KATNIP: variants seen among roughly 807,000 people sequenced by gnomAD.
KATNIP encodes the protein katanin interacting protein.
In KATNIP, 126 loss-of-function variants were observed where a neutral mutation model predicts 174.0. The ratio of observed to expected loss-of-function variants is 0.72; its 90% CI spans 0.63 to 0.84. The LOEUF (loss-of-function observed/expected upper bound fraction) is 0.84, where lower values mean the gene tolerates loss of function less well. Ranked by LOEUF, KATNIP falls within the 40% of genes least tolerant of loss-of-function variation. The pLI is 0.00. For missense variants in KATNIP, 1,958 were observed against 2,109.7 expected (o/e 0.93, Z 1.41); for synonymous variants, 810 against 835.7 (o/e 0.97, Z 0.53).
intron 13 of KATNIP, among the ~76,000 whole-genome samples, chr16:27,712,606 G>A (rs1597254075): frequency 1.3e-5 from 2 of 152,196 alleles, no homozygotes; most frequent in East Asian, 1.9e-4. Context: ...CAAAAGATGT[G>A]GGAGTGCCCC....
At chr16:27,573,754 C>T in intron 1 of KATNIP, 147 bp from the exon 2 acceptor site, 1 of 693,572 alleles carries the variant, frequency 1.4e-6, no homozygotes, top group Non-Finnish European at 2.4e-6. Flanking sequence ...TGCCATTTTC[C>T]CATTATAATA....
In KATNIP at chr16:27,625,148, C is replaced by T. The variant is rs180733859; in HGVS notation, c.141-3513C>T. 8.7e-4 allele frequency among the ~76,000 whole-genome samples: 132 copies of T among 152,296 alleles called. 1 individual carries two copies. Among genetic ancestry groups the T allele is most frequent in the Non-Finnish European group, 1.1e-3 (72 of 68,024 alleles). ...TAAAAAACACTTTTCTTTGATGCCA[C>T]CTGGATATTACTGATGCACTCCATT... On this transcript the variant is annotated intron_variant, in intron 3 of 27. Transcript: ENST00000261588.
rs2076517516 is a variant in KATNIP, at chr16:27,632,429, A to T, written c.408+1267A>T. 17 of 327,008 alleles carry T rather than the reference A, an allele frequency of 5.2e-5. 1 individual carries two copies. Among genetic ancestry groups the T allele is most frequent in the South Asian group, 3.7e-4 (16 of 42,994 alleles). 20.3% of individuals were successfully genotyped at this position (327,008 alleles called of 1,614,324 possible). On this transcript the variant is annotated intron_variant, in intron 5 of 27. Coordinates refer to ENST00000261588, the MANE Select transcript of KATNIP (RefSeq NM_015202.5). Reference sequence around the variant, plus strand: ...GTTATGAATATTTATGAAAGGAGAAATATGCGCATGTGCAGTTGAGCTTCA... The same window carrying T: ...GTTATGAATATTTATGAAAGGAGAATTATGCGCATGTGCAGTTGAGCTTCA...
chr16:27,625,675 A>G (rs2076311135), intron 3 of KATNIP, among the ~76,000 whole-genome samples: 1 of 152,176 alleles, frequency 6.6e-6, no homozygotes, highest in South Asian at 2.1e-4. Flanking sequence ...GCTGCTAAAG[A>G]AACATTTAAA....
chr16:27,556,538 C>A (rs1335598352), intron 1 of KATNIP, among the ~76,000 whole-genome samples: 2 of 152,172 alleles, frequency 1.3e-5, no homozygotes, highest in African/African-American at 4.8e-5. Context: ...AGCAAATATT[C>A]AACATTTCCC....
At chr16:27,565,859 T>C (rs1018952609) in intron 1 of KATNIP, among the ~76,000 whole-genome samples, 1 of 151,956 alleles carries the variant, frequency 6.6e-6, no homozygotes, top group African/African-American at 2.4e-5. Flanking sequence ...CCTAGTTATG[T>C]ACTGAGTTGG....
intron 2 of KATNIP, among the ~76,000 whole-genome samples, chr16:27,594,241 C>T (rs935634307): frequency 6.6e-6 from 1 of 151,882 alleles, no homozygotes; most frequent in African/African-American, 2.4e-5. Context: ...GCCTGGGTGA[C>T]AGAGTGAGGC....
chr16:27,753,289 A>G (rs2081587711), intron 17 of KATNIP, among the ~76,000 whole-genome samples: 1 of 152,134 alleles, frequency 6.6e-6, no homozygotes, highest in African/African-American at 2.4e-5. Flanking sequence ...GATGTGTTCA[A>G]ACCTTTTTTG....
chr16:27,722,514 A>G (rs1287112956), intron 14 of KATNIP: 1 of 152,136 alleles, frequency 6.6e-6, no homozygotes, highest in African/African-American at 2.4e-5. Flanking sequence ...TCATAGTTCT[A>G]TCAGGGAACT....
At chr16:27,556,445 T>G (rs533365269) in intron 1 of KATNIP, among the ~76,000 whole-genome samples, 6 of 152,210 alleles carry the variant, frequency 3.9e-5, no homozygotes, top group Non-Finnish European at 8.8e-5. Context: ...TCAAGGAACA[T>G]AATAATTAGA....
intron 15 of KATNIP, among the ~76,000 whole-genome samples, chr16:27,741,568 G>A (rs2081110491): frequency 6.6e-6 from 1 of 152,054 alleles, no homozygotes; most frequent in African/African-American, 2.4e-5. Flanking sequence ...CCACCCACAG[G>A]GCGGCTGCCA....
intron 6 of KATNIP, among the ~76,000 whole-genome samples, chr16:27,649,636 A>ATG (rs968900376): frequency 1.3e-5 from 2 of 152,174 alleles, no homozygotes; most frequent in African/African-American, 4.8e-5. Context: ...GATTACAGGC[A>ATG]TGGGTCACAC....
intron 19 of KATNIP, among the ~76,000 whole-genome samples, chr16:27,763,047 G>A (rs2082005514): frequency 6.6e-6 from 1 of 152,146 alleles, no homozygotes. Flanking sequence ...CCTGTGCGCA[G>A]TGGCTCATGC....
chr16:27,758,513 C>A (rs2081822186), intron 18 of KATNIP, among the ~76,000 whole-genome samples: 1 of 152,182 alleles, frequency 6.6e-6, no homozygotes, highest in Non-Finnish European at 1.5e-5. Flanking sequence ...TGCTCCCCTG[C>A]TTCAACATAG....
intron 2 of KATNIP, among the ~76,000 whole-genome samples, chr16:27,589,735 A>T (rs2075110307): frequency 6.6e-6 from 1 of 152,010 alleles, no homozygotes; most frequent in African/African-American, 2.4e-5. Flanking sequence ...CTCTATCTGT[A>T]TCTATTCTGC....
At chr16:27,616,620 G>A (rs1223756895) in intron 2 of KATNIP, among the ~76,000 whole-genome samples, 1 of 151,716 alleles carries the variant, frequency 6.6e-6, no homozygotes, top group Non-Finnish European at 1.5e-5. Context: ...CCAGCTACTT[G>A]GGAGTCTGAG....
intron 2 of KATNIP, among the ~76,000 whole-genome samples, chr16:27,605,957 C>G (rs1191329272): frequency 6.6e-6 from 1 of 152,104 alleles, no homozygotes; most frequent in African/African-American, 2.4e-5. Flanking sequence ...TGACAAAACC[C>G]TGTCTCTATT....
At chr16:27,710,556 T>A (rs547510692) in intron 13 of KATNIP, among the ~76,000 whole-genome samples, 1 of 152,146 alleles carries the variant, frequency 6.6e-6, no homozygotes. Context: ...GAAGATGTTG[T>A]TATTGCGTGA....
intron 14 of KATNIP, among the ~76,000 whole-genome samples, chr16:27,734,096 T>G (rs2080806801): frequency 6.6e-6 from 1 of 151,896 alleles, no homozygotes; most frequent in South Asian, 2.1e-4. Flanking sequence ...ATTATTTTCT[T>G]TTTTGAGACA....
Sources: allele counts gnomAD v4.1 joint callset (sites outside exome capture counted in the v4.1 genomes callset), GRCh38; gene constraint gnomAD v4.1.1; transcripts MANE v1.5; gene names NCBI Gene and HGNC (gene_info 2026-07-23, HGNC 2026-07-21).